The following R3HDM1 variants were observed in gnomAD, a reference collection of about 807,000 sequenced individuals.
R3HDM1 encodes R3H domain-containing protein 1.
A neutral mutation model predicts 141.1 loss-of-function variants in R3HDM1; 46 were observed. The ratio of observed to expected loss-of-function variants is 0.33; its 90% CI spans 0.26 to 0.42. R3HDM1 has a LOEUF of 0.42. Among genes scored for constraint, R3HDM1 ranks in the 10% least tolerant of loss-of-function variants. The pLI is 1.00. For missense variants in R3HDM1, 1,184 were observed against 1,368.3 expected (o/e 0.87, Z 2.12); for synonymous variants, 435 against 472.9 (o/e 0.92, Z 1.04).
At chr2:135,560,436 C>T (rs796175291) in intron 1 of R3HDM1, among the ~76,000 whole-genome samples, 1 of 152,100 alleles carries the variant, frequency 6.6e-6, no homozygotes, top group African/African-American at 2.4e-5. Context: ...ACCTCAGCCT[C>T]GCGAGTAGCT....
In R3HDM1 at chr2:135,563,263, A is replaced by G. The variant is rs181829010; in HGVS notation, c.-250+31630A>G. 3.3e-5 allele frequency among the ~76,000 whole-genome samples: 5 copies of G among 152,346 alleles called. No individual in the cohort carries two copies. The East Asian group carries it at 5.8e-4, about 18-fold the overall frequency. On this transcript the variant is annotated intron_variant, in intron 1 of 26. Coordinates refer to ENST00000683871, the MANE Select transcript of R3HDM1 (RefSeq NM_001378107.1). ...ATATAATTTTTGCTTATGCACTGCC[A>G]AAGCAAACTTAAGAATTGCCTTTTA... is the stretch of plus-strand genomic sequence containing the variant.
At chr2:135,618,994 T>G (rs1013607730) in intron 5 of R3HDM1, among the ~76,000 whole-genome samples, 1 of 144,730 alleles carries the variant, frequency 6.9e-6, no homozygotes, top group Non-Finnish European at 1.5e-5. Context: ...CGCTCCAGCC[T>G]GGGTGACAAG....
At chr2:135,688,161 C>T (rs964334883) in intron 21 of R3HDM1, among the ~76,000 whole-genome samples, 3 of 152,306 alleles carry the variant, frequency 2.0e-5, no homozygotes, top group East Asian at 1.9e-4. Context: ...TTTAGTGCCA[C>T]GTTGTTCACA....
intron 21 of R3HDM1, among the ~76,000 whole-genome samples, chr2:135,690,335 T>C (rs1378733364): frequency 6.6e-6 from 1 of 152,204 alleles, no homozygotes; most frequent in African/African-American, 2.4e-5. Flanking sequence ...TCTCTCGTTA[T>C]TAAAAATGAA....
intron 1 of R3HDM1, among the ~76,000 whole-genome samples, chr2:135,549,267 G>T (rs1053410571): frequency 1.3e-5 from 2 of 151,834 alleles, no homozygotes; most frequent in African/African-American, 4.8e-5. Flanking sequence ...AAAAAAATGG[G>T]GTCTTGGCCA....
At chr2:135,622,128 G>A (rs1259045272) in intron 6 of R3HDM1, 1 of 982,648 alleles carries the variant, frequency 1.0e-6, no homozygotes, top group Non-Finnish European at 1.2e-6. Flanking sequence ...TACATTTAAG[G>A]CGAAGATAGC....
At chr2:135,626,193 G>GCTTGCTTGCTTGCT (rs1239160266) in intron 7 of R3HDM1, among the ~76,000 whole-genome samples, 3 of 128,204 alleles carry the variant, frequency 2.3e-5, no homozygotes, top group African/African-American at 1.1e-4. Flanking sequence ...GCGTGCGTGC[G>GCTTGCTTGCTTGCT]TGCGTGCGTG....
chr2:135,632,329 A>C (rs1375205531), intron 9 of R3HDM1, among the ~76,000 whole-genome samples: 1 of 74,686 alleles, frequency 1.3e-5, no homozygotes, highest in African/African-American at 6.5e-5. Context: ...AGTCAAATTT[A>C]AAAAAAAAAA....
chr2:135,594,247 A>G (rs1710041719), intron 1 of R3HDM1, among the ~76,000 whole-genome samples: 1 of 152,220 alleles, frequency 6.6e-6, no homozygotes, highest in African/African-American at 2.4e-5. Flanking sequence ...TTAGTACTCT[A>G]GCATTCCTAA....
rs577134046 is a variant in R3HDM1, at chr2:135,539,662, T to A, written c.-250+8029T>A. On this transcript the variant is annotated intron_variant, in intron 1 of 26. Coordinates refer to ENST00000683871, the MANE Select transcript of R3HDM1 (RefSeq NM_001378107.1). Reference sequence around the variant, plus strand: ...TTAGGTTTACTACTGATGTTATCATTTGAAAAAAAAAAGAGTTTTATACAA... The same window carrying A: ...TTAGGTTTACTACTGATGTTATCATATGAAAAAAAAAAGAGTTTTATACAA... Among the ~76,000 whole-genome samples the A allele has an allele frequency of 2.0e-5, 3 of 151,844 alleles. No homozygotes were observed. The South Asian group carries it at 6.2e-4, about 31-fold the overall frequency.
rs143918666 is a variant in R3HDM1, at chr2:135,611,766, T to G, written c.172-4386T>G. 1.9e-3 allele frequency among the ~76,000 whole-genome samples: 296 copies of G among 152,338 alleles called. 5 individuals carry two copies. In the East Asian group the frequency reaches 0.05, roughly 26 times the overall value. ...GGATTTGGTACTCTTTCTACTGAAC[T>G]TGGGTCATATGCACATATGGTAGTT... On this transcript the variant is annotated intron_variant, in intron 3 of 26. Transcript: ENST00000683871.
chr2:135,636,274 T>C, intron 11 of R3HDM1, 91 bp downstream of exon 11: 1 of 1,480,538 alleles, frequency 6.8e-7, no homozygotes. Context: ...TGATCACATT[T>C]ATTTTTAATC....
At chr2:135,709,909 T>G in intron 22 of R3HDM1, 150 bp from the exon 23 acceptor site, 1 of 751,990 alleles carries the variant, frequency 1.3e-6, no homozygotes, top group Non-Finnish European at 2.1e-6. Context: ...ATACTTGTAG[T>G]GTGATGCACT....
At chr2:135,609,267 T>A (rs1559232707) in intron 3 of R3HDM1, among the ~76,000 whole-genome samples, 1 of 152,218 alleles carries the variant, frequency 6.6e-6, no homozygotes, top group Non-Finnish European at 1.5e-5. Flanking sequence ...TAAAAAATGT[T>A]GTGTTTCTTA....
intron 1 of R3HDM1, chr2:135,581,291 C>T (rs1574044848): frequency 1.0e-6 from 1 of 985,454 alleles, no homozygotes; most frequent in Non-Finnish European, 1.2e-6. Context: ...TGTAGATCCA[C>T]AGTAGGGGAA....
At chr2:135,712,428 ATTT>A (rs34713048) in intron 23 of R3HDM1, among the ~76,000 whole-genome samples, 11 of 104,010 alleles carry the variant, frequency 1.1e-4, no homozygotes, top group Admixed American at 3.0e-4. Flanking sequence ...TGCCCAACTA[ATTT>A]TTTTTTTTTT....
At chr2:135,593,579 T>C (rs1029959825) in intron 1 of R3HDM1, among the ~76,000 whole-genome samples, 9 of 152,308 alleles carry the variant, frequency 5.9e-5, no homozygotes, top group African/African-American at 7.2e-5. Flanking sequence ...TTTGTCTTTC[T>C]CTGGCCCACT....
intron 1 of R3HDM1, among the ~76,000 whole-genome samples, chr2:135,543,599 T>TA (rs1257888027): frequency 6.6e-6 from 1 of 152,128 alleles, no homozygotes; most frequent in Non-Finnish European, 1.5e-5. Context: ...TGAGAAATTT[T>TA]AAAAAATATT....
rs188877443 is a variant in R3HDM1 at position 135,597,000 on chromosome 2, A to G, written c.-249-5500A>G. On this transcript the variant is annotated intron_variant, in intron 1 of 26. Transcript: ENST00000683871. Reference sequence around the variant, plus strand: ...TGTTTTCTAAAGTGGATCACAATGTATGAGAGGCCCATTGTCTTCCCCATT... The same window carrying G: ...TGTTTTCTAAAGTGGATCACAATGTGTGAGAGGCCCATTGTCTTCCCCATT... The G allele has an allele frequency of 6.0e-4, 588 of 981,326 alleles. No individual in the cohort carries two copies. In the Middle Eastern group the frequency reaches 8.4e-3, roughly 14 times the overall value. The allele number at this position is 981,326 out of a possible 1,614,324, so 60.8% of individuals were successfully genotyped here.
Sources: gnomAD v4.1 joint callset for allele counts (sites outside exome capture counted in the v4.1 genomes callset) on GRCh38, gnomAD v4.1.1 for gene constraint, MANE v1.5 for transcripts, NCBI Gene and HGNC (gene_info 2026-07-23, HGNC 2026-07-21) for gene names.